Variants in USP47 observed in about 807,000 individuals in gnomAD.
The protein encoded by USP47 is ubiquitin specific peptidase 47, also known as ubiquitin carboxyl-terminal hydrolase 47.
In USP47, 35 loss-of-function variants were observed where a neutral mutation model predicts 165.1. The ratio of observed to expected loss-of-function variants is 0.21; its 90% CI spans 0.16 to 0.28. The LOEUF (loss-of-function observed/expected upper bound fraction) is 0.28, where lower values mean the gene tolerates loss of function less well. Ranked by LOEUF, USP47 falls within the 10% of genes least tolerant of loss-of-function variation. The pLI, the probability that USP47 is intolerant of heterozygous loss-of-function variation, is 1.00. For synonymous variants in USP47, 531 were observed against 544.5 expected (o/e 0.98, Z 0.35); for missense variants, 1,277 against 1,607.4 (o/e 0.79, Z 3.52).
intron 1 of USP47, among the ~76,000 whole-genome samples, chr11:11,878,405 G>A (rs1230727887): frequency 1.3e-5 from 2 of 152,044 alleles, no homozygotes; most frequent in Non-Finnish European, 2.9e-5. Flanking sequence ...CTATAAAAGT[G>A]TACGTTTTGT....
At chr11:11,848,221 A>T (rs1848531660) in intron 1 of USP47, among the ~76,000 whole-genome samples, 1 of 152,242 alleles carries the variant, frequency 6.6e-6, no homozygotes, top group African/African-American at 2.4e-5. Flanking sequence ...CTATTCTGAG[A>T]AATGTATCAT....
intron 25 of USP47, among the ~76,000 whole-genome samples, chr11:11,954,302 T>C (rs1049145372): frequency 9.2e-5 from 14 of 152,102 alleles, no homozygotes; most frequent in Non-Finnish European, 1.6e-4. Flanking sequence ...GGAGTTTCAC[T>C]CTTATTGCCC....
intron 8 of USP47, among the ~76,000 whole-genome samples, chr11:11,914,612 A>C (rs1853270994): frequency 6.6e-6 from 1 of 151,816 alleles, no homozygotes; most frequent in Non-Finnish European, 1.5e-5. Flanking sequence ...ACATATTTGC[A>C]AGCTGTCTAT....
rs71037046 is a variant in USP47 at position 11,871,501 on chromosome 11, C to CAAAAA, written c.40-8643_40-8639dup. ...CTGGCAACAGAGCGAAACTCCCTCT[C>CAAAAA]AAAAAAAAAAAAAAAAAAAAAAAAA... On this transcript the variant is annotated intron_variant, in intron 1 of 27. Transcript: ENST00000527733. 2.2e-3 allele frequency among the ~76,000 whole-genome samples: 136 copies of CAAAAA among 63,162 alleles called. 13 individuals carry two copies. Among genetic ancestry groups the CAAAAA allele is most frequent in the Non-Finnish European group, 3.3e-3 (98 of 29,790 alleles). 41.4% of individuals were successfully genotyped at this position (63,162 alleles called of 152,430 possible).
At chr11:11,864,651 A>G (rs1849572695) in intron 1 of USP47, among the ~76,000 whole-genome samples, 1 of 152,036 alleles carries the variant, frequency 6.6e-6, no homozygotes, top group Non-Finnish European at 1.5e-5. Flanking sequence ...CACTTAGCAT[A>G]ATGTCCTCAA....
At position 11,911,095 on chromosome 11, in the gene USP47, G is replaced by A. The variant is rs532415090; in HGVS notation, c.969+5547G>A. On this transcript the variant is annotated intron_variant, in intron 8 of 27. Transcript: ENST00000527733. ...CAATAAGCAAAATTAAAAACCCAGTGGATAGGCTGAACAGCTGAATGAAAG... is the reference window on the plus strand; with the variant it reads ...CAATAAGCAAAATTAAAAACCCAGTAGATAGGCTGAACAGCTGAATGAAAG... Among the ~76,000 whole-genome samples, 11 of 152,212 alleles carry A rather than the reference G, an allele frequency of 7.2e-5. No homozygotes were observed. In the South Asian group the frequency reaches 2.3e-3, roughly 32 times the overall value.
chr11:11,876,630 G>A (rs1850436575), intron 1 of USP47, among the ~76,000 whole-genome samples: 1 of 152,134 alleles, frequency 6.6e-6, no homozygotes, highest in Admixed American at 6.5e-5. Context: ...TGAATGGAAC[G>A]TCCAAAAGGC....
intron 3 of USP47, among the ~76,000 whole-genome samples, chr11:11,889,651 A>G (rs533300816): frequency 6.6e-6 from 1 of 152,362 alleles, no homozygotes; most frequent in African/African-American, 2.4e-5. Context: ...TATAGATTCA[A>G]TGCTATTCCC....
chr11:11,874,891 A>C, intron 1 of USP47, among the ~76,000 whole-genome samples: 1 of 152,060 alleles, frequency 6.6e-6, no homozygotes, highest in East Asian at 1.9e-4. Flanking sequence ...AACCAACAAA[A>C]ATATTCATAC....
intron 16 of USP47, among the ~76,000 whole-genome samples, chr11:11,934,198 A>G (rs1273536924): frequency 6.6e-6 from 1 of 152,104 alleles, no homozygotes; most frequent in African/African-American, 2.4e-5. Flanking sequence ...TGCTCTTTCT[A>G]TTCATTTAAC....
chr11:11,955,116 A>G lies in USP47; in HGVS notation c.3845A>G (p.Asn1282Ser). 6.2e-7 allele frequency: 1 copy of G among 1,613,950 alleles called. No homozygotes were observed. The highest frequency in any genetic ancestry group is 1.1e-5 in the South Asian group (1 of 91,060). The part of the protein sequence containing the change: ...LDWNPKVSTL[N>S]VWPLYICDDG... The stretch of plus-strand genomic sequence containing the variant: ...TGGAATCCTAAAGTTTCTACCCTGA[A>G]TGTCTGGCCTCTTTATATCTGTGAT... The change falls in exon 27 of 28, where the codon AAT becomes AGT. Residue 1282 changes from asparagine to serine, a missense_variant. Physicochemically the swap from Asn to Ser is conservative, Grantham distance 46 (BLOSUM62 1). Coordinates refer to ENST00000527733, the MANE Select transcript of USP47 (RefSeq NM_001282659.2).
chr11:11,944,353 T>C (rs775603740), intron 20 of USP47, among the ~76,000 whole-genome samples: 7 of 152,000 alleles, frequency 4.6e-5, no homozygotes, highest in Non-Finnish European at 1.0e-4. Context: ...ATAATACAAG[T>C]ATTTAAATTT....
rs752205347 is a variant in USP47, at chr11:11,929,545, A to G, written c.1498A>G (p.Asn500Asp). Residue 500 changes from asparagine to aspartate, a missense_variant, in exon 12 of 28, where the codon AAT becomes GAT. Physicochemically the swap from Asn to Asp is conservative, Grantham distance 23 (BLOSUM62 1). This residue lies in a region of USP47 where 909 missense variants were observed against 1,068.1 expected (regional missense o/e 0.85). Transcript: ENST00000527733. ...CAGTGATGAGCAGTGGTACAGCTTCAATGATCAACATGTCAGCAGGGTAAG... is the reference window on the plus strand; with the variant it reads ...CAGTGATGAGCAGTGGTACAGCTTCGATGATCAACATGTCAGCAGGGTAAG... ...SFSDEQWYSF[N>D]DQHVSRITQE... 6.2e-7 allele frequency: 1 copy of G among 1,613,014 alleles called. No homozygotes were observed.
intron 3 of USP47, among the ~76,000 whole-genome samples, chr11:11,890,459 C>G (rs192399464): frequency 6.6e-6 from 1 of 152,290 alleles, no homozygotes; most frequent in African/African-American, 2.4e-5. Flanking sequence ...CATTACTGAT[C>G]ATTAGAGAAA....
chr11:11,936,642 G>T, intron 17 of USP47, 132 bp downstream of exon 17: 1 of 698,224 alleles, frequency 1.4e-6, no homozygotes, highest in Non-Finnish European at 2.2e-6. Context: ...ATTTTGACAG[G>T]TTGAGAAGTA....
intron 1 of USP47, among the ~76,000 whole-genome samples, chr11:11,851,105 TTGTGC>T: frequency 6.6e-6 from 1 of 152,320 alleles, no homozygotes; most frequent in East Asian, 1.9e-4. Flanking sequence ...ATCTTTTCTT[TTGTGC>T]TGGATTGTTT....
At position 11,958,710 on chromosome 11, in the gene USP47, G is replaced by C. The variant is rs921861746; in HGVS notation, c.*2535G>C. On this transcript the variant is annotated 3_prime_UTR_variant, in exon 28 of 28. Transcript: ENST00000527733. Reference sequence around the variant, plus strand: ...CCAAGTACCTGTGTTTCTAAGGCGGGCACTCAAGGTGAGGGGTGCATTCTG... The same window carrying C: ...CCAAGTACCTGTGTTTCTAAGGCGGCCACTCAAGGTGAGGGGTGCATTCTG... 6.6e-6 allele frequency: 1 copy of C among 152,254 alleles called. No homozygotes were observed. The highest frequency in any genetic ancestry group is 1.5e-5 in the Non-Finnish European group (1 of 68,072). 9.4% of individuals were successfully genotyped at this position (152,254 alleles called of 1,614,324 possible). A position where few individuals can be genotyped will look rare whatever the true frequency, so the allele number is the denominator to read the frequency against.
At chr11:11,863,116 G>A (rs536703786) in intron 1 of USP47, among the ~76,000 whole-genome samples, 7 of 152,184 alleles carry the variant, frequency 4.6e-5, no homozygotes, top group South Asian at 2.1e-4. Flanking sequence ...ATTATTTTCC[G>A]ATTATAATGA....
chr11:11,867,453 T>C (rs928611431), intron 1 of USP47, among the ~76,000 whole-genome samples: 5 of 152,214 alleles, frequency 3.3e-5, no homozygotes, highest in Non-Finnish European at 7.3e-5. Context: ...TTAGTTCTCT[T>C]ATATAGAGTT....
Sources: gnomAD v4.1 joint callset for allele counts (sites outside exome capture counted in the v4.1 genomes callset) on GRCh38, gnomAD v4.1.1 for gene constraint, gnomAD v4.1.1 regional missense constraint, MANE v1.5 for transcripts, NCBI Gene and HGNC (gene_info 2026-07-23, HGNC 2026-07-21) for gene names.